SSPN: variants seen among roughly 807,000 people sequenced by gnomAD.
SSPN encodes the protein sarcospan.
Under a neutral mutation model 19.1 loss-of-function variants are expected in SSPN, and 15 were observed. The observed-to-expected ratio is 0.78, with a 90% CI of 0.52 to 1.21. The LOEUF (loss-of-function observed/expected upper bound fraction) is 1.21, where lower values mean the gene tolerates loss of function less well. Ranked by LOEUF, SSPN falls within the 50% of genes most tolerant of loss-of-function variation. The probability of loss-of-function intolerance (pLI) is 0.00; values close to 1 mark genes in which losing one functional copy is unlikely to be tolerated. For synonymous variants in SSPN, 147 were observed against 140.3 expected (o/e 1.05, Z -0.34); for missense variants, 291 against 314.0 (o/e 0.93, Z 0.55).
At chr12:26,178,010 CACCTGGGTTAGGTATTCACCAGCT>C (rs1190790954) in intron 1 of SSPN, among the ~76,000 whole-genome samples, 2 of 152,198 alleles carry the variant, frequency 1.3e-5, no homozygotes, top group African/African-American at 4.8e-5. Context: ...TGGGTCAGGT[CACCTGGGTTAGGTATTCACCAGCT>C]ACCCAATTAC....
At chr12:26,168,191 C>A (rs1206690184) in intron 1 of SSPN, among the ~76,000 whole-genome samples, 2 of 135,480 alleles carry the variant, frequency 1.5e-5, no homozygotes, top group African/African-American at 2.8e-5. Context: ...CCAGCCTGGG[C>A]AACAGAGTGA....
intron 1 of SSPN, among the ~76,000 whole-genome samples, chr12:26,207,195 T>G (rs1944938445): frequency 6.6e-6 from 1 of 152,232 alleles, no homozygotes; most frequent in East Asian, 1.9e-4. Context: ...AAAAAATATT[T>G]GGTAATGATT....
At chr12:26,177,092 G>T (rs1944688716) in intron 1 of SSPN, among the ~76,000 whole-genome samples, 1 of 152,160 alleles carries the variant, frequency 6.6e-6, no homozygotes, top group African/African-American at 2.4e-5. Context: ...AAGAAAAAAA[G>T]TTCAGAATAC....
chr12:26,146,519 A>G (rs17366955), intron 1 of SSPN, among the ~76,000 whole-genome samples: 5,899 of 152,300 alleles, frequency 0.039, 146 homozygotes, highest in South Asian at 0.07. Flanking sequence ...GAACAATACC[A>G]TCTCCACACC....
chr12:26,153,233 T>C (rs1207847443), intron 1 of SSPN, among the ~76,000 whole-genome samples: 3 of 152,186 alleles, frequency 2.0e-5, no homozygotes, highest in Non-Finnish European at 4.4e-5. Context: ...TCTCATAGGG[T>C]TGTGAGGATC....
intron 1 of SSPN, among the ~76,000 whole-genome samples, chr12:26,203,466 A>T (rs2137467910): frequency 6.6e-6 from 1 of 152,324 alleles, no homozygotes; most frequent in African/African-American, 2.4e-5. Flanking sequence ...AGATGCTAGG[A>T]ACAGGCTTTA....
intron 1 of SSPN, among the ~76,000 whole-genome samples, chr12:26,215,455 G>A (rs747456680): frequency 1.3e-5 from 2 of 152,166 alleles, no homozygotes; most frequent in Non-Finnish European, 2.9e-5. Flanking sequence ...ATGGGGTGGA[G>A]GTGCAGAAGC....
intron 1 of SSPN, chr12:26,124,516 T>C: frequency 6.2e-7 from 1 of 1,613,842 alleles, no homozygotes; most frequent in Non-Finnish European, 8.5e-7. Context: ...AACTTACACT[T>C]ACCTTGGTGT....
Position 26,122,837 on chromosome 12 carries a change from G to A in SSPN, c.-31+685G>A, listed in dbSNP as rs1024863419. ...CGTTCTCGGCGGCGAGCTCGGCGCT[G>A]GGCTGAGTCCGCTGGATGACGGGCA... On this transcript the variant is annotated intron_variant, in intron 1 of 2. Coordinates refer to the SSPN transcript ENST00000538142. The A allele has an allele frequency of 3.8e-6, 6 of 1,580,518 alleles. No homozygotes were observed. The African/African-American group carries it at 5.4e-5, about 14-fold the overall frequency.
intron 1 of SSPN, among the ~76,000 whole-genome samples, chr12:26,184,144 G>C (rs1944737707): frequency 6.6e-6 from 1 of 152,200 alleles, no homozygotes; most frequent in Admixed American, 6.5e-5. Flanking sequence ...GTGGAAAATG[G>C]AACATTCCTA....
chr12:26,207,955 G>A (rs1014937321), intron 1 of SSPN, among the ~76,000 whole-genome samples: 1 of 148,316 alleles, frequency 6.7e-6, no homozygotes, highest in Non-Finnish European at 1.5e-5. Context: ...AGCCATGATC[G>A]CACCACCGCA....
intron 1 of SSPN, among the ~76,000 whole-genome samples, chr12:26,130,695 G>A (rs1302262375): frequency 6.6e-6 from 1 of 152,020 alleles, no homozygotes; most frequent in Non-Finnish European, 1.5e-5. Context: ...GTTCTTTTTT[G>A]GTCACATAAA....
intron 1 of SSPN, among the ~76,000 whole-genome samples, chr12:26,200,122 T>G (rs182645249): frequency 6.6e-6 from 1 of 152,346 alleles, no homozygotes; most frequent in Admixed American, 6.5e-5. Context: ...TTTCTTTGCC[T>G]TATTATGCTT....
chr12:26,178,175 G>T (rs1462082110), intron 1 of SSPN, among the ~76,000 whole-genome samples: 1 of 152,212 alleles, frequency 6.6e-6, no homozygotes, highest in Admixed American at 6.5e-5. Context: ...AAGCAACAGA[G>T]TGTAGCACTG....
chr12:26,147,453 T>C (rs1194977315), intron 1 of SSPN, among the ~76,000 whole-genome samples: 2 of 152,134 alleles, frequency 1.3e-5, no homozygotes, highest in African/African-American at 4.8e-5. Context: ...TGTATTTTTG[T>C]AGAGATGGGG....
chr12:26,201,985 G>A (rs1244066268), intron 1 of SSPN, among the ~76,000 whole-genome samples: 1 of 151,904 alleles, frequency 6.6e-6, no homozygotes, highest in African/African-American at 2.4e-5. Flanking sequence ...ATTGGTACTG[G>A]GACTCCTGAT....
At chr12:26,122,573 C>G (rs1229942010) in intron 1 of SSPN, 3 of 1,105,500 alleles carry the variant, frequency 2.7e-6, no homozygotes, top group Admixed American at 5.0e-5. Flanking sequence ...GTCTCAGCAG[C>G]GCGGCCGCGG....
chr12:26,174,475 G>C lies in SSPN; in HGVS notation c.-30-49818G>C, dbSNP rs573022430. On this transcript the variant is annotated intron_variant, in intron 1 of 2. Transcript: ENST00000538142. ...CCTCCTTCCCCATCCTGCTACCCAC[G>C]CTTCCTTCCTTCCTTCCTTCCTTCC... Among the ~76,000 whole-genome samples the C allele has an allele frequency of 1.0e-2, 1,216 of 122,008 alleles. 86 individuals carry two copies. Among genetic ancestry groups the C allele is most frequent in the African/African-American group, 0.045 (1,162 of 25,764 alleles). 80.0% of individuals were successfully genotyped at this position (122,008 alleles called of 152,430 possible).
At chr12:26,124,706 C>A (rs1311427692) in intron 1 of SSPN, 15 of 1,613,556 alleles carry the variant, frequency 9.3e-6, no homozygotes, top group Non-Finnish European at 1.3e-5. Flanking sequence ...CGCAAGGGTG[C>A]GTGCACCTTA....
Sources: gnomAD v4.1 joint callset for allele counts (sites outside exome capture counted in the v4.1 genomes callset) on GRCh38, gnomAD v4.1.1 for gene constraint, MANE v1.5 for transcripts, NCBI Gene and HGNC (gene_info 2026-07-23, HGNC 2026-07-21) for gene names.